Variants in TEK observed in about 807,000 individuals in gnomAD.
The protein encoded by TEK is TEK receptor tyrosine kinase, also known as angiopoietin-1 receptor.
TEK carries 43 observed loss-of-function variants against 131.8 expected under a neutral mutation model. The observed-to-expected ratio is 0.33, with a 90% confidence interval of 0.26 to 0.42. The LOEUF (loss-of-function observed/expected upper bound fraction) is 0.42. Ranked by LOEUF, TEK falls within the 10% of genes least tolerant of loss-of-function variation. The pLI is 1.00. For synonymous variants in TEK, 580 were observed against 491.6 expected (o/e 1.18, Z -2.38); for missense variants, 1,162 against 1,384.4 (o/e 0.84, Z 2.55).
At chr9:27,205,553 G>A (rs538294) in intron 14 of TEK, among the ~76,000 whole-genome samples, 72,447 of 151,862 alleles carry the variant, frequency 0.48, 17,760 homozygotes, top group Non-Finnish European at 0.51. Flanking sequence ...TGTAAGAATT[G>A]TATATACCTG....
chr9:27,146,720 A>ATTTTTTTT (rs34727945), intron 1 of TEK, among the ~76,000 whole-genome samples: 2 of 113,694 alleles, frequency 1.8e-5, no homozygotes, highest in Admixed American at 1.0e-4. Context: ...TAAACATTCT[A>ATTTTTTTT]TTTTTTTTTT....
chr9:27,212,658 T>C (rs1387487395), intron 16 of TEK, 49 bp from the exon 17 acceptor site: 1 of 1,598,366 alleles, frequency 6.3e-7, no homozygotes, highest in Non-Finnish European at 8.6e-7. Flanking sequence ...TTAAATGTCA[T>C]AGCTGTTCAG....
Position 27,202,907 on chromosome 9 carries a change from C to G in TEK, c.1997C>G (p.Ser666Cys). 1 of 1,614,140 alleles carries G rather than the reference C, an allele frequency of 6.2e-7. No homozygotes were observed. Among genetic ancestry groups the G allele is most frequent in the Non-Finnish European group, 8.5e-7 (1 of 1,179,996 alleles). Residue 666 changes from serine to cysteine, a missense_variant, in exon 13 of 23, where the codon TCT (serine) becomes TGT (cysteine). This residue lies in a region of TEK where 477 missense variants were observed against 471.0 expected (regional missense o/e 1.01). Transcript: ENST00000380036. ...VISWTILDGYSISSITIRYKV... is the reference protein window; with the variant it reads ...VISWTILDGYCISSITIRYKV... ...TCTTGGACAATATTGGATGGCTATT[C>G]TATTTCTTCTATTACTATCCGTTAC... is the stretch of plus-strand genomic sequence containing the variant.
At chr9:27,159,746 T>C (rs1823474670) in intron 2 of TEK, among the ~76,000 whole-genome samples, 1 of 152,160 alleles carries the variant, frequency 6.6e-6, no homozygotes, top group Non-Finnish European at 1.5e-5. Context: ...ATAATTGTAT[T>C]ATAAGGTTCC....
chr9:27,162,722 C>CT (rs879782441), intron 2 of TEK, among the ~76,000 whole-genome samples: 222 of 144,752 alleles, frequency 1.5e-3, no homozygotes, highest in African/African-American at 3.5e-3. Flanking sequence ...TTTTTCTTTT[C>CT]TTTTTTTTTT....
chr9:27,148,390 T>G (rs1477907772), intron 1 of TEK, among the ~76,000 whole-genome samples: 2 of 152,250 alleles, frequency 1.3e-5, no homozygotes, highest in Non-Finnish European at 2.9e-5. Context: ...ATCCAAAACA[T>G]AATGGTAAAA....
At chr9:27,127,185 G>A (rs1275290408) in intron 1 of TEK, among the ~76,000 whole-genome samples, 1 of 152,080 alleles carries the variant, frequency 6.6e-6, no homozygotes, top group Non-Finnish European at 1.5e-5. Flanking sequence ...GTGTCCATGT[G>A]TTCTCATTGT....
chr9:27,156,850 T>G (rs1412100794), intron 1 of TEK, among the ~76,000 whole-genome samples: 5 of 152,166 alleles, frequency 3.3e-5, no homozygotes, highest in African/African-American at 7.2e-5. Flanking sequence ...CCTGATTGTT[T>G]TATGCACATT....
chr9:27,118,609 T>G (rs1455835749), intron 1 of TEK, among the ~76,000 whole-genome samples: 1 of 152,202 alleles, frequency 6.6e-6, no homozygotes, highest in Non-Finnish European at 1.5e-5. Context: ...CATTCCAGCC[T>G]GAGTGACATA....
At chr9:27,147,079 C>T (rs1240699661) in intron 1 of TEK, among the ~76,000 whole-genome samples, 1 of 152,110 alleles carries the variant, frequency 6.6e-6, no homozygotes, top group Non-Finnish European at 1.5e-5. Flanking sequence ...TAAATGCCTA[C>T]AAGTGGGATT....
chr9:27,177,233 C>A (rs544171648), intron 6 of TEK, among the ~76,000 whole-genome samples: 73 of 152,326 alleles, frequency 4.8e-4, no homozygotes, highest in African/African-American at 1.7e-3. Context: ...GATCATATGG[C>A]AGTTCTATTT....
chr9:27,212,889 C>T lies in TEK; in HGVS notation c.2869C>T (p.Gln957Ter). The T allele has an allele frequency of 6.2e-7, 1 of 1,613,912 alleles. No individual in the cohort carries two copies. Among genetic ancestry groups the T allele is most frequent in the Non-Finnish European group, 8.5e-7 (1 of 1,179,982 alleles). Residue 957 changes from glutamine to a stop codon, truncating the protein, a stop_gained, in exon 17 of 23, where the codon CAA becomes TAA. Transcript: ENST00000380036. LOFTEE classifies it high-confidence loss of function. ...GGCCCGGGGCATGGACTACTTGAGC[C>T]AAAAACAGGTTTGTCCGGAGGACTT... Reference protein sequence around the residue: ...DVARGMDYLSQKQFIHRDLAA... With the variant: ...DVARGMDYLS
chr9:27,190,403 G>T, intron 9 of TEK, 126 bp from the exon 10 acceptor site: 1 of 1,126,358 alleles, frequency 8.9e-7, no homozygotes, highest in Non-Finnish European at 1.3e-6. Context: ...TGATCTCACT[G>T]AGTCTGAGCA....
intron 21 of TEK, among the ~76,000 whole-genome samples, chr9:27,224,560 C>T (rs1486867424): frequency 6.6e-6 from 1 of 152,116 alleles, no homozygotes; most frequent in Non-Finnish European, 1.5e-5. Flanking sequence ...TCAACACCCC[C>T]TCAGGCTAAA....
At chr9:27,136,656 C>T (rs7873161) in intron 1 of TEK, among the ~76,000 whole-genome samples, 78,869 of 151,910 alleles carry the variant, frequency 0.52, 21,475 homozygotes, top group African/African-American at 0.57. Context: ...GAACTGACGA[C>T]TGGAGACAAA....
chr9:27,216,578 T>C (rs374017614), intron 18 of TEK, among the ~76,000 whole-genome samples: 17 of 152,078 alleles, frequency 1.1e-4, no homozygotes, highest in African/African-American at 3.6e-4. Flanking sequence ...AATAAATAGG[T>C]AGATGTGAGA....
rs3736819 is a variant in TEK, at chr9:27,219,060, G to A, written c.3103+243G>A. Among the ~76,000 whole-genome samples the A allele has an allele frequency of 0.095, 10,846 of 114,034 alleles. 518 individuals are homozygous for A. Among genetic ancestry groups the A allele is most frequent in the East Asian group, 0.22 (935 of 4,156 alleles). 74.8% of individuals were successfully genotyped at this position (114,034 alleles called of 152,430 possible). A position where few individuals can be genotyped will look rare whatever the true frequency, so the allele number is the denominator to read the frequency against. ...ACTTTATTATATATTAATTGGCTCC[G>A]CTTGTACAAGTTGCCAGGTTAACTT... On this transcript the variant is annotated intron_variant, in intron 20 of 22. Transcript: ENST00000380036.
intron 20 of TEK, among the ~76,000 whole-genome samples, chr9:27,219,340 CCATGGATGAAGCTAG>C (rs1825953368): frequency 6.6e-6 from 1 of 152,036 alleles, no homozygotes; most frequent in African/African-American, 2.4e-5. Context: ...CTTTGCAGGA[CCATGGATGAAGCTAG>C]AAACCATCAT....
In TEK at chr9:27,207,772, T is replaced by C. The variant is rs188045160; in HGVS notation, c.2575+980T>C. 9.9e-4 allele frequency among the ~76,000 whole-genome samples: 151 copies of C among 152,356 alleles called. 1 individual carries two copies. The highest frequency in any genetic ancestry group is 4.1e-4 in the Non-Finnish European group (28 of 68,026). ...TTTTCTTTTTTTTTGGACCACACTA[T>C]TGAATCTATGAATTACCTCTAAATC... On this transcript the variant is annotated intron_variant, in intron 15 of 22. Coordinates refer to ENST00000380036, the MANE Select transcript of TEK (RefSeq NM_000459.5).
Sources: gnomAD v4.1 joint callset for allele counts (sites outside exome capture counted in the v4.1 genomes callset) on GRCh38, gnomAD v4.1.1 for gene constraint, gnomAD v4.1.1 regional missense constraint, MANE v1.5 for transcripts, NCBI Gene and HGNC (gene_info 2026-07-23, HGNC 2026-07-21) for gene names.